DYRK4: variants seen among roughly 807,000 people sequenced by gnomAD.
The protein encoded by DYRK4 is dual specificity tyrosine-phosphorylation-regulated kinase 4.
Under a neutral mutation model 68.3 loss-of-function variants are expected in DYRK4, and 64 were observed. The observed-to-expected ratio is 0.94, with a 90% CI of 0.77 to 1.15. The LOEUF (loss-of-function observed/expected upper bound fraction) is 1.15, where lower values mean the gene tolerates loss of function less well. Among genes scored for constraint, DYRK4 ranks in the 50% most tolerant of loss-of-function variants. The pLI, the probability that DYRK4 is intolerant of heterozygous loss-of-function variation, is 0.00. For synonymous variants in DYRK4, 274 were observed against 289.9 expected (o/e 0.95, Z 0.56); for missense variants, 740 against 764.7 (o/e 0.97, Z 0.38).
chr12:4,583,665 G>A (rs957179047), intron 2 of DYRK4, among the ~76,000 whole-genome samples: 1 of 152,120 alleles, frequency 6.6e-6, no homozygotes, highest in Non-Finnish European at 1.5e-5. Context: ...AAAGTGCTGG[G>A]ATTACAGGTG....
At chr12:4,586,361 C>T (rs182578942) in intron 2 of DYRK4, among the ~76,000 whole-genome samples, 424 of 152,266 alleles carry the variant, frequency 2.8e-3, no homozygotes, top group Non-Finnish European at 4.4e-3. Flanking sequence ...GATTTAGATA[C>T]AGAGCTCAGG....
At chr12:4,565,009 TG>T (rs1482507586) in intron 1 of DYRK4, among the ~76,000 whole-genome samples, 1 of 152,244 alleles carries the variant, frequency 6.6e-6, no homozygotes, top group Admixed American at 6.5e-5. Context: ...AACTCCGATC[TG>T]CATGTAAGAT....
In DYRK4 at chr12:4,573,483, G is replaced by C. The variant is rs1487013116; in HGVS notation, c.132+5435G>C. The stretch of plus-strand genomic sequence containing the variant: ...GAATGTGAAGTGAGCAGGAATTGGC[G>C]GGTGGGGGCATGTCTCTGAGTACAA... On this transcript the variant is annotated intron_variant, in intron 2 of 14. Transcript: ENST00000543431. 4.0e-6 allele frequency: 4 copies of C among 1,008,952 alleles called. No individual in the cohort carries two copies. The South Asian group carries it at 4.2e-5, about 11-fold the overall frequency. 62.5% of individuals were successfully genotyped at this position (1,008,952 alleles called of 1,614,324 possible).
At chr12:4,590,553 A>T in intron 4 of DYRK4, 113 bp downstream of exon 4, 2 of 1,466,928 alleles carry the variant, frequency 1.4e-6, no homozygotes, top group Non-Finnish European at 1.8e-6. Context: ...GCTGCTGAAG[A>T]GGTGGGTTCT....
chr12:4,574,663 C>G (rs1306230983), intron 2 of DYRK4, among the ~76,000 whole-genome samples: 2 of 152,186 alleles, frequency 1.3e-5, no homozygotes, highest in African/African-American at 4.8e-5. Context: ...CATTTTTTAT[C>G]AGTTTTACAA....
intron 5 of DYRK4, 111 bp from the exon 6 acceptor site, chr12:4,592,891 G>A: frequency 7.3e-7 from 1 of 1,368,868 alleles, no homozygotes; most frequent in South Asian, 1.4e-5. Context: ...GAGCCACCCA[G>A]CTGGGGAACA....
intron 8 of DYRK4, 175 bp downstream of exon 8, chr12:4,596,904 C>T (rs1055962909): frequency 2.4e-5 from 35 of 1,450,336 alleles, no homozygotes; most frequent in African/African-American, 2.9e-5. Context: ...TGAAAGCAGG[C>T]CATCTTGGTA....
intron 4 of DYRK4, chr12:4,590,690 G>C: frequency 1.5e-6 from 1 of 668,036 alleles, no homozygotes; most frequent in South Asian, 4.5e-5. Flanking sequence ...TGAAGTGCTG[G>C]TACATAAAAG....
At chr12:4,590,602 G>A in intron 4 of DYRK4, 162 bp downstream of exon 4, 2 of 1,341,232 alleles carry the variant, frequency 1.5e-6, no homozygotes, top group Non-Finnish European at 1.9e-6. Flanking sequence ...ATAAGCTTGA[G>A]CAAATAAGTC....
chr12:4,607,468 C>T, intron 12 of DYRK4, 81 bp downstream of exon 12: 4 of 1,483,240 alleles, frequency 2.7e-6, no homozygotes, highest in Non-Finnish European at 3.8e-6. Flanking sequence ...ATTCTTTTCC[C>T]CTGGCCACAT....
chr12:4,569,175 C>CT (rs1392434808), intron 2 of DYRK4, among the ~76,000 whole-genome samples: 2 of 152,222 alleles, frequency 1.3e-5, no homozygotes, highest in East Asian at 3.8e-4. Context: ...TGCTCCACCC[C>CT]ACTACCCGTG....
chr12:4,562,325 CG>C (rs1319858237), intron 1 of DYRK4, 42 bp downstream of exon 1: 1 of 1,521,058 alleles, frequency 6.6e-7, no homozygotes, highest in Non-Finnish European at 8.8e-7. Context: ...CAGTCAGGCG[CG>C]AGTACGAGGC....
intron 2 of DYRK4, among the ~76,000 whole-genome samples, chr12:4,584,449 C>G (rs1944874359): frequency 6.6e-6 from 1 of 151,896 alleles, no homozygotes; most frequent in African/African-American, 2.4e-5. Flanking sequence ...CTGGAAGGAA[C>G]AGTTTGGCAC....
In DYRK4 at chr12:4,607,499, AGC is replaced by A. The variant is rs923091246; in HGVS notation, c.1360+114_1360+115del. ...CACATACCAAAGGGCTGTGATTAAGAGCGTCTTTCAGAGAAGTAAAAGATAAT... is the reference window on the plus strand; with the variant it reads ...CACATACCAAAGGGCTGTGATTAAGAGTCTTTCAGAGAAGTAAAAGATAAT... On this transcript the variant is annotated intron_variant, in intron 12 of 14. Transcript: ENST00000543431. 11 of 1,168,504 alleles carry A rather than the reference AGC, an allele frequency of 9.4e-6. No homozygotes were observed. The Admixed American group carries it at 1.5e-4, about 16-fold the overall frequency. The allele number at this position is 1,168,504 out of a possible 1,614,324, so 72.4% of individuals were successfully genotyped here.
intron 14 of DYRK4, 196 bp downstream of exon 14, chr12:4,612,914 C>T (rs1945241544): frequency 1.8e-6 from 1 of 562,662 alleles, no homozygotes; most frequent in Non-Finnish European, 3.1e-6. Context: ...CTAACCTCAA[C>T]CTGGGATAAT....
intron 7 of DYRK4, 42 bp downstream of exon 7, chr12:4,596,327 G>C: frequency 6.2e-7 from 1 of 1,612,060 alleles, no homozygotes; most frequent in Non-Finnish European, 8.5e-7. Flanking sequence ...GAGGGACTGC[G>C]TGACTGTGGC....
chr12:4,588,795 G>A, intron 2 of DYRK4, 142 bp from the exon 3 acceptor site: 1 of 678,942 alleles, frequency 1.5e-6, no homozygotes, highest in East Asian at 2.7e-5. Context: ...AGTACTTATT[G>A]GAGCCTCTCT....
Position 4,610,207 on chromosome 12 carries a change from C to T in DYRK4, c.1413C>T (p.Tyr471=), listed in dbSNP as rs1274800092. ...CCAACAACAGGGGGAAAAAAAGATA[C>T]CCAGATTCCAAGGACCTCACGATGG... ...NITNNRGKKR[Y]PDSKDLTMVL... Residue 471 remains tyrosine, a synonymous_variant, in exon 13 of 15, where the codon TAC becomes TAT. Coordinates refer to ENST00000543431, the MANE Select transcript of DYRK4 (RefSeq NM_001394779.1). 6.2e-7 allele frequency: 1 copy of T among 1,601,646 alleles called. No individual in the cohort carries two copies. Among genetic ancestry groups the T allele is most frequent in the African/African-American group, 1.3e-5 (1 of 74,238 alleles).
At chr12:4,603,354 G>C in intron 10 of DYRK4, 1 of 513,766 alleles carries the variant, frequency 1.9e-6, no homozygotes, top group Non-Finnish European at 3.6e-6. Context: ...AACCCCTCCA[G>C]GTCCTTTTCA....
Sources: allele counts gnomAD v4.1 joint callset (sites outside exome capture counted in the v4.1 genomes callset), GRCh38; gene constraint gnomAD v4.1.1; transcripts MANE v1.5; gene names NCBI Gene and HGNC (gene_info 2026-07-23, HGNC 2026-07-21).